PEMT: variants seen among roughly 807,000 people sequenced by gnomAD.
PEMT encodes the protein phospholipid methyltransferase.
A neutral mutation model predicts 27.4 loss-of-function variants in PEMT; 23 were observed. The ratio of observed to expected loss-of-function variants is 0.84; its 90% CI spans 0.60 to 1.19. PEMT has a LOEUF of 1.19. Among genes scored for constraint, PEMT ranks in the 50% most tolerant of loss-of-function variants. The pLI, the probability that PEMT is intolerant of heterozygous loss-of-function variation, is 0.00. For missense variants in PEMT, 307 were observed against 310.1 expected (o/e 0.99, Z 0.07); for synonymous variants, 137 against 139.1 (o/e 0.98, Z 0.11).
intron 2 of PEMT, among the ~76,000 whole-genome samples, chr17:17,575,575 C>T (rs1911528093): frequency 6.6e-6 from 1 of 152,216 alleles, no homozygotes; most frequent in South Asian, 2.1e-4. Flanking sequence ...CGGCTGCAGC[C>T]CTGGCTCCAG....
intron 2 of PEMT, among the ~76,000 whole-genome samples, chr17:17,546,022 G>A (rs1306466953): frequency 2.6e-5 from 4 of 152,156 alleles, no homozygotes; most frequent in African/African-American, 9.7e-5. Flanking sequence ...CCTTGCCTGG[G>A]CTCACTCCCA....
At chr17:17,517,679 G>A (rs1236237620) in intron 3 of PEMT, among the ~76,000 whole-genome samples, 4 of 152,236 alleles carry the variant, frequency 2.6e-5, no homozygotes, top group African/African-American at 9.6e-5. Flanking sequence ...GGGGAGAGGG[G>A]CTCTGGGGTG....
intron 3 of PEMT, among the ~76,000 whole-genome samples, chr17:17,521,748 G>T (rs1055816311): frequency 2.6e-5 from 4 of 152,130 alleles, no homozygotes; most frequent in African/African-American, 9.7e-5. Flanking sequence ...TGTATTTTTA[G>T]TAGAGACGGA....
At chr17:17,540,157 C>T (rs117751910) in intron 2 of PEMT, among the ~76,000 whole-genome samples, 5 of 152,176 alleles carry the variant, frequency 3.3e-5, no homozygotes, top group East Asian at 3.9e-4. Flanking sequence ...GGGGCAGGGG[C>T]GCAGGATGGA....
intron 2 of PEMT, among the ~76,000 whole-genome samples, chr17:17,574,652 TC>T (rs1209956349): frequency 1.4e-4 from 21 of 152,252 alleles, no homozygotes; most frequent in African/African-American, 4.8e-4. Context: ...ACTCTGCCAT[TC>T]ATGAGCCACT....
chr17:17,520,549 C>T (rs1907187110), intron 3 of PEMT, among the ~76,000 whole-genome samples: 1 of 152,242 alleles, frequency 6.6e-6, no homozygotes, highest in South Asian at 2.1e-4. Flanking sequence ...TGAAAATGCT[C>T]CCTGGGGCCG....
At chr17:17,542,108 G>C (rs1362200923) in intron 2 of PEMT, among the ~76,000 whole-genome samples, 2 of 152,144 alleles carry the variant, frequency 1.3e-5, no homozygotes, top group Non-Finnish European at 2.9e-5. Context: ...AGCCTCCCAA[G>C]TAGCTGGGAT....
At chr17:17,515,126 C>G (rs1210717690) in intron 3 of PEMT, among the ~76,000 whole-genome samples, 1 of 152,176 alleles carries the variant, frequency 6.6e-6, no homozygotes, top group Non-Finnish European at 1.5e-5. Context: ...GACGGAGACT[C>G]TGTCGCTCTT....
chr17:17,519,666 A>G (rs1907120021), intron 3 of PEMT, among the ~76,000 whole-genome samples: 1 of 152,152 alleles, frequency 6.6e-6, no homozygotes, highest in Non-Finnish European at 1.5e-5. Context: ...TGCCTTGAAA[A>G]GGGGTGGATG....
Position 17,576,907 on chromosome 17 carries a change from G to A in PEMT, c.204+13C>T, listed in dbSNP as rs1477993567. On this transcript the variant is annotated intron_variant, in intron 2 of 6. Transcript: ENST00000255389. ...GATACTCCCGTCTGGACAGTGTCAGGCACATCACTTACCACATTCCAGTAG... is the reference window on the plus strand; with the variant it reads ...GATACTCCCGTCTGGACAGTGTCAGACACATCACTTACCACATTCCAGTAG... The A allele has an allele frequency of 3.1e-6, 5 of 1,598,774 alleles. No individual in the cohort carries two copies. The African/African-American group carries it at 5.4e-5, about 17-fold the overall frequency.
chr17:17,572,711 A>G (rs1911290372), intron 2 of PEMT, among the ~76,000 whole-genome samples: 1 of 152,260 alleles, frequency 6.6e-6, no homozygotes, highest in African/African-American at 2.4e-5. Flanking sequence ...CCCAGCGCAC[A>G]GTAGATGCTC....
chr17:17,537,980 G>A (rs762998207), intron 2 of PEMT, among the ~76,000 whole-genome samples: 2 of 152,248 alleles, frequency 1.3e-5, no homozygotes, highest in Non-Finnish European at 2.9e-5. Context: ...GAAATCACCA[G>A]GGAGTGGTCA....
At chr17:17,562,993 T>C (rs1910596448) in intron 2 of PEMT, among the ~76,000 whole-genome samples, 1 of 151,912 alleles carries the variant, frequency 6.6e-6, no homozygotes, top group Non-Finnish European at 1.5e-5. Context: ...TTTCCATGCC[T>C]CTCAATTCAA....
chr17:17,592,115 C>A, upstream of PEMT: 7 of 985,226 alleles, frequency 7.1e-6, no homozygotes, highest in Non-Finnish European at 8.4e-6. Flanking sequence ...CAGGGCCCCA[C>A]GCCCTCTTCT....
chr17:17,508,435 G>A (rs1212625102), intron 5 of PEMT: 3 of 205,980 alleles, frequency 1.5e-5, no homozygotes, highest in South Asian at 6.1e-5. Flanking sequence ...TCCAACCCCC[G>A]CTGCTACGGT....
chr17:17,554,309 C>T (rs1421661284), intron 2 of PEMT, among the ~76,000 whole-genome samples: 1 of 152,200 alleles, frequency 6.6e-6, no homozygotes, highest in East Asian at 1.9e-4. Context: ...CCTGACAATC[C>T]ATGAAGAGAA....
chr17:17,520,378 A>G (rs1386293732), intron 3 of PEMT, among the ~76,000 whole-genome samples: 1 of 152,208 alleles, frequency 6.6e-6, no homozygotes, highest in Admixed American at 6.5e-5. Flanking sequence ...AATGGATGGA[A>G]TCTTTTCTCC....
rs1358223949 is a variant in PEMT at position 17,513,112 on chromosome 17, G to T, written c.321-458C>A. 6.6e-6 allele frequency among the ~76,000 whole-genome samples: 1 copy of T among 152,202 alleles called. No homozygotes were observed. Among genetic ancestry groups the T allele is most frequent in the African/African-American group, 2.4e-5 (1 of 41,450 alleles). ...GGCCCAGGTGTCCCATTCCCCAACA[G>T]ACTCAGTGCCCCGAGGCCTGGGGCA... On this transcript the variant is annotated intron_variant, in intron 3 of 6. Coordinates refer to ENST00000255389, the MANE Select transcript of PEMT (RefSeq NM_148172.3). This position sits in a 1 kb window ranked among gnomAD's most constrained non-coding sequence, Gnocchi z 4.1.
At chr17:17,507,218 G>T in intron 5 of PEMT, 1 of 1,544,952 alleles carries the variant, frequency 6.5e-7, no homozygotes, top group Non-Finnish European at 8.8e-7. Flanking sequence ...AGGGAGGAGG[G>T]AGGGAGGGAG....
Sources: gnomAD v4.1 joint callset for allele counts (sites outside exome capture counted in the v4.1 genomes callset) on GRCh38, gnomAD v4.1.1 for gene constraint, Gnocchi (gnomAD v3.1) non-coding constraint, MANE v1.5 for transcripts, NCBI Gene and HGNC (gene_info 2026-07-23, HGNC 2026-07-21) for gene names.